PRKDC: variants seen among roughly 807,000 people sequenced by gnomAD.
The protein encoded by PRKDC is DNA-dependent protein kinase catalytic subunit.
In PRKDC, 82 loss-of-function variants were observed where a neutral mutation model predicts 486.9. The observed-to-expected ratio is 0.17, with a 90% CI of 0.14 to 0.20. The LOEUF (loss-of-function observed/expected upper bound fraction) is 0.20, where lower values mean the gene tolerates loss of function less well. Ranked by LOEUF, PRKDC falls within the 10% of genes least tolerant of loss-of-function variation. PRKDC has a pLI of 1.00. For synonymous variants in PRKDC, 1,895 were observed against 1,837.0 expected, an observed-to-expected ratio of 1.03 and a Z score of -0.81; for missense variants, 4,504 against 5,038.2, an observed-to-expected ratio of 0.89 and a Z score of 3.21.
In PRKDC at chr8:47,794,321, T is replaced by C. The variant is rs2086939908; in HGVS notation, c.10639A>G (p.Thr3547Ala). 2.5e-6 allele frequency: 4 copies of C among 1,613,150 alleles called. No individual in the cohort carries two copies. Among genetic ancestry groups the C allele is most frequent in the Non-Finnish European group, 3.4e-6 (4 of 1,179,538 alleles). Residue 3547 changes from threonine (T) to alanine (A), a missense_variant, in exon 74 of 86, where the codon ACT becomes GCT. Physicochemically the swap from Thr to Ala is moderately conservative, Grantham distance 58. Transcript: ENST00000314191. ...ACAAACTCCTTATTCTTATGACCAG[T>C]AGAAGTATCCTTGAAGGAATAGCTT... ...SESYSFKDTS[T>A]GHKNKEFVAR... is the part of the protein sequence containing the mutation.
intron 54 of PRKDC, 43 bp from the exon 55 acceptor site, chr8:47,840,232 A>G (rs1010317517): frequency 1.1e-4 from 159 of 1,497,400 alleles, no homozygotes; most frequent in Non-Finnish European, 1.4e-4. Context: ...AGCTATTTTT[A>G]TTATTGCACT....
chr8:47,897,051 T>A (rs2089594332), intron 30 of PRKDC, 110 bp downstream of exon 30: 6 of 1,204,484 alleles, frequency 5.0e-6, no homozygotes. Flanking sequence ...GAATCTTAAC[T>A]GAATACCATG....
intron 52 of PRKDC, among the ~76,000 whole-genome samples, chr8:47,850,688 T>C (rs1289498968): frequency 6.6e-6 from 1 of 152,140 alleles, no homozygotes; most frequent in African/African-American, 2.4e-5. Context: ...ATGATCACAA[T>C]CTAGCAAGTA....
At chr8:47,817,130 CTTT>C (rs1642290629) in intron 68 of PRKDC, among the ~76,000 whole-genome samples, 1 of 152,202 alleles carries the variant, frequency 6.6e-6, no homozygotes, top group African/African-American at 2.4e-5. Context: ...TAGTCGTCTT[CTTT>C]GTTGTCATCT....
rs530094595 is a variant in PRKDC, at chr8:47,778,618, C to T, written c.11694G>A (p.Leu3898=). The stretch of plus-strand genomic sequence containing the variant: ...AGCTGGCGAAGTGGGAGCGGAGCGC[C>T]AGGAAAGCCTCAGGGCTTGTACTCA... The part of the protein sequence containing the change: ...VRMSTSPEAF[L]ALRSHFASSH... The change falls in exon 83 of 86, where the codon CTG becomes CTA. Residue 3898 remains leucine (L), a synonymous_variant. Coordinates refer to ENST00000314191, the MANE Select transcript of PRKDC (RefSeq NM_006904.7). 18 of 1,613,726 alleles carry T rather than the reference C, an allele frequency of 1.1e-5. No individual in the cohort carries two copies. The East Asian group carries it at 4.0e-4, about 36-fold the overall frequency.
chr8:47,832,116 T>G (rs1045874817), intron 59 of PRKDC, among the ~76,000 whole-genome samples, 190 bp from the exon 60 acceptor site: 1 of 152,226 alleles, frequency 6.6e-6, no homozygotes, highest in African/African-American at 2.4e-5. Flanking sequence ...GCATGAGCGC[T>G]GAACGGGCCA....
chr8:47,797,899 C>T (rs2087014706), intron 73 of PRKDC, among the ~76,000 whole-genome samples: 1 of 152,240 alleles, frequency 6.6e-6, no homozygotes, highest in Non-Finnish European at 1.5e-5. Context: ...CAGGTGAGCA[C>T]TGGGCACAGC....
intron 23 of PRKDC, among the ~76,000 whole-genome samples, chr8:47,915,041 T>C (rs970974515): frequency 2.6e-5 from 4 of 152,204 alleles, no homozygotes; most frequent in Non-Finnish European, 2.9e-5. Flanking sequence ...GAGATTAACT[T>C]GGAATTCCCG....
chr8:47,836,378 G>T lies in PRKDC; in HGVS notation c.7911C>A (p.Ala2637=). 6.2e-7 allele frequency: 1 copy of T among 1,607,032 alleles called. No homozygotes were observed. Reference sequence around the variant, plus strand: ...GTGTGAAGTCATGCTGCTGCTGGGTGGCCCTTATCTGCCCTGCCACTGGCC... The same window carrying T: ...GTGTGAAGTCATGCTGCTGCTGGGTTGCCCTTATCTGCCCTGCCACTGGCC... ...ARWPVAGQIR[A]TQQQHDFTLT... is the part of the protein sequence containing the mutation. The change falls in exon 58 of 86, where the codon GCC becomes GCA. Residue 2637 remains alanine (A), a synonymous_variant. Coordinates refer to ENST00000314191, the MANE Select transcript of PRKDC (RefSeq NM_006904.7).
At chr8:47,867,598 A>G (rs1422771013) in intron 40 of PRKDC, among the ~76,000 whole-genome samples, 3 of 152,204 alleles carry the variant, frequency 2.0e-5, no homozygotes, top group Admixed American at 1.3e-4. Context: ...TTTTGTGCAT[A>G]TTGTAAAGCC....
At chr8:47,823,432 C>T (rs1390402002) in intron 64 of PRKDC, among the ~76,000 whole-genome samples, 1 of 151,762 alleles carries the variant, frequency 6.6e-6, no homozygotes, top group Non-Finnish European at 1.5e-5. Context: ...ATAAAAGCTT[C>T]CCAAGGCCTC....
At chr8:47,820,415 CAA>C (rs1381300036) in intron 66 of PRKDC, among the ~76,000 whole-genome samples, 1 of 151,478 alleles carries the variant, frequency 6.6e-6, no homozygotes, top group Non-Finnish European at 1.5e-5. Context: ...ACCCTACTCT[CAA>C]GTGTTCTTTA....
rs1368998982 is a variant in PRKDC at position 47,892,709 on chromosome 8, T to C, written c.3847+430A>G. On this transcript the variant is annotated intron_variant, in intron 31 of 85. Transcript: ENST00000314191. ...TAGTAAAATCTTAAGCAAAAAAAAC[T>C]TAATACTTTAGGATAAAATCATTTG... Among the ~76,000 whole-genome samples the C allele has an allele frequency of 5.3e-5, 8 of 152,214 alleles. No homozygotes were observed. The East Asian group carries it at 1.5e-3, about 29-fold the overall frequency.
chr8:47,869,929 AC>A (rs2088910684), intron 40 of PRKDC, among the ~76,000 whole-genome samples: 1 of 152,088 alleles, frequency 6.6e-6, no homozygotes, highest in African/African-American at 2.4e-5. Flanking sequence ...AATGGTGACC[AC>A]AGGCAGAGAC....
At chr8:47,840,760 T>C (rs993598065) in intron 54 of PRKDC, among the ~76,000 whole-genome samples, 3 of 152,226 alleles carry the variant, frequency 2.0e-5, no homozygotes, top group African/African-American at 7.2e-5. Context: ...AGCTGAATGC[T>C]TCATACAGTA....
chr8:47,861,042 C>A, intron 44 of PRKDC, 71 bp from the exon 45 acceptor site: 3 of 993,684 alleles, frequency 3.0e-6, no homozygotes, highest in Admixed American at 3.4e-5. Flanking sequence ...GTTTTAGTAG[C>A]AATCTGGCAA....
At chr8:47,839,930 T>C in intron 55 of PRKDC, 86 bp downstream of exon 55, 1 of 1,080,036 alleles carries the variant, frequency 9.3e-7, no homozygotes, top group Non-Finnish European at 1.3e-6. Context: ...TGACCTGTGT[T>C]TGTGCCCCTG....
intron 85 of PRKDC, among the ~76,000 whole-genome samples, chr8:47,775,089 G>A (rs928242320): frequency 4.6e-5 from 7 of 151,826 alleles, no homozygotes; most frequent in Non-Finnish European, 8.8e-5. Context: ...CAGGAGGCTC[G>A]GACAGGAGGA....
chr8:47,919,559 C>A (rs576641969), intron 21 of PRKDC, among the ~76,000 whole-genome samples: 2 of 152,316 alleles, frequency 1.3e-5, no homozygotes, highest in African/African-American at 4.8e-5. Flanking sequence ...AGGGCACCTG[C>A]CGGTGGTTTA....
Sources: allele counts gnomAD v4.1 joint callset (sites outside exome capture counted in the v4.1 genomes callset), GRCh38; gene constraint gnomAD v4.1.1; transcripts MANE v1.5; gene names NCBI Gene and HGNC (gene_info 2026-07-23, HGNC 2026-07-21).